Variants in NIM1K observed in about 807,000 individuals in gnomAD.
NIM1K encodes the protein serine/threonine-protein kinase NIM1.
In NIM1K, 35 loss-of-function variants were observed where a neutral mutation model predicts 37.1. That is an observed-to-expected ratio of 0.94 (90% CI 0.72 to 1.25). The LOEUF (loss-of-function observed/expected upper bound fraction) is 1.25, where lower values mean the gene tolerates loss of function less well. Ranked by LOEUF, NIM1K falls within the 50% of genes most tolerant of loss-of-function variation. NIM1K has a pLI of 0.00. For missense variants in NIM1K, 564 were observed against 548.0 expected (o/e 1.03, Z -0.29); for synonymous variants, 234 against 206.6 (o/e 1.13, Z -1.14).
chr5:43,233,148 A>G lies in NIM1K; in HGVS notation c.-694-11934A>G, dbSNP rs909802031. The G allele has an allele frequency of 6.9e-5, 91 of 1,317,494 alleles. No homozygotes were observed. The African/African-American group carries it at 1.2e-3, about 18-fold the overall frequency. 81.6% of individuals were successfully genotyped at this position (1,317,494 alleles called of 1,614,324 possible). A position where few individuals can be genotyped will look rare whatever the true frequency, so the allele number is the denominator to read the frequency against. On this transcript the variant is annotated intron_variant, in intron 1 of 3. Coordinates refer to ENST00000326035, the MANE Select transcript of NIM1K (RefSeq NM_153361.4). Reference sequence around the variant, plus strand: ...TGCCAACCTGGACACCAGCCTGGCCAATGAGATGGAGATGCGGTCACGCAT... The same window carrying G: ...TGCCAACCTGGACACCAGCCTGGCCGATGAGATGGAGATGCGGTCACGCAT...
intron 3 of NIM1K, 114 bp from the exon 4 acceptor site, chr5:43,279,866 C>G: frequency 1.2e-6 from 1 of 859,864 alleles, no homozygotes; most frequent in Non-Finnish European, 1.8e-6. Flanking sequence ...TAAGGTGATC[C>G]TCACTGAATT....
At chr5:43,239,788 T>C (rs528725142) in intron 1 of NIM1K, among the ~76,000 whole-genome samples, 42 of 152,082 alleles carry the variant, frequency 2.8e-4, no homozygotes, top group Admixed American at 5.9e-4. Context: ...TGGCCTCCAC[T>C]CTTATTCTTT....
intron 1 of NIM1K, among the ~76,000 whole-genome samples, chr5:43,240,034 C>T (rs1022243224): frequency 1.3e-5 from 2 of 151,986 alleles, no homozygotes; most frequent in African/African-American, 4.8e-5. Context: ...TGTAAGGTGG[C>T]AACACATTAA....
chr5:43,265,058 C>A (rs540918682), intron 2 of NIM1K, among the ~76,000 whole-genome samples: 12 of 152,176 alleles, frequency 7.9e-5, no homozygotes, highest in African/African-American at 1.2e-4. Flanking sequence ...AACATTTTTG[C>A]CTTCATTTCA....
intron 1 of NIM1K, among the ~76,000 whole-genome samples, chr5:43,220,293 CT>C (rs70994613): frequency 5.1e-4 from 66 of 130,414 alleles, no homozygotes; most frequent in East Asian, 1.3e-3. Context: ...GTGGGTATCT[CT>C]TTTTTTTTTT....
chr5:43,210,607 G>A (rs536248859), intron 1 of NIM1K, among the ~76,000 whole-genome samples: 3 of 152,200 alleles, frequency 2.0e-5, no homozygotes, highest in Admixed American at 1.3e-4. Context: ...ATGGGTTGAG[G>A]AAAACATTAT....
intron 2 of NIM1K, among the ~76,000 whole-genome samples, chr5:43,262,283 A>G (rs1753043513): frequency 1.3e-5 from 2 of 152,160 alleles, no homozygotes; most frequent in African/African-American, 2.4e-5. Flanking sequence ...CTTTTATTTC[A>G]TTGAGCAGTG....
chr5:43,277,309 C>T lies in NIM1K; in HGVS notation c.545C>T (p.Ser182Phe). ...ESKLIFSQIV[S>F]AVKHMHENQI... ...AAGCTCATCTTCTCCCAGATTGTGT[C>T]TGCCGTGAAGCACATGGTGAGCAGG... is the stretch of plus-strand genomic sequence containing the variant. The change falls in exon 3 of 4, where the codon TCT becomes TTT. Residue 182 changes from serine (S) to phenylalanine (F), a missense_variant. Coordinates refer to ENST00000326035, the MANE Select transcript of NIM1K (RefSeq NM_153361.4). 1.9e-6 allele frequency: 3 copies of T among 1,613,954 alleles called. No homozygotes were observed. Among genetic ancestry groups the T allele is most frequent in the Non-Finnish European group, 2.5e-6 (3 of 1,179,924 alleles).
At chr5:43,217,355 A>T (rs1222595130) in intron 1 of NIM1K, among the ~76,000 whole-genome samples, 1 of 149,770 alleles carries the variant, frequency 6.7e-6, no homozygotes, top group Admixed American at 6.8e-5. Context: ...TACTACATGT[A>T]TTTATCCATT....
chr5:43,198,215 TTCTTTCTTTC>T (rs1561070045), intron 1 of NIM1K, among the ~76,000 whole-genome samples: 2 of 93,436 alleles, frequency 2.1e-5, no homozygotes, highest in South Asian at 7.7e-4. Flanking sequence ...TTCTCTTTCT[TTCTTTCTTTC>T]TTTCTTTCTT....
chr5:43,276,972 A>G, intron 2 of NIM1K, 85 bp from the exon 3 acceptor site: 1 of 1,364,436 alleles, frequency 7.3e-7, no homozygotes, highest in South Asian at 1.3e-5. Context: ...CTGTCTAGTA[A>G]AGGAAAGGAG....
chr5:43,246,396 G>C (rs1013733434), intron 2 of NIM1K, among the ~76,000 whole-genome samples: 2 of 151,608 alleles, frequency 1.3e-5, no homozygotes, highest in African/African-American at 4.8e-5. Flanking sequence ...AGAAGAATCT[G>C]TCCTCTCCGG....
At chr5:43,196,777 TTTC>T (rs1326511692) in intron 1 of NIM1K, among the ~76,000 whole-genome samples, 1 of 152,080 alleles carries the variant, frequency 6.6e-6, no homozygotes, top group East Asian at 1.9e-4. Flanking sequence ...GTTGCTGTTT[TTTC>T]TTTTTTTCTT....
intron 1 of NIM1K, among the ~76,000 whole-genome samples, chr5:43,223,280 A>G (rs1420583574): frequency 1.3e-5 from 2 of 152,162 alleles, no homozygotes. Flanking sequence ...GTCACCTGAT[A>G]GCATCTCCTT....
At chr5:43,237,655 C>A (rs1752641081) in intron 1 of NIM1K, among the ~76,000 whole-genome samples, 1 of 152,140 alleles carries the variant, frequency 6.6e-6, no homozygotes, top group South Asian at 2.1e-4. Flanking sequence ...ACAACCTGTG[C>A]TTCAGAACTC....
At chr5:43,232,170 T>C in intron 1 of NIM1K, 1 of 982,760 alleles carries the variant, frequency 1.0e-6, no homozygotes, top group East Asian at 3.2e-5. Context: ...TCTTGATTGA[T>C]GGTGGCAATG....
chr5:43,235,604 C>A (rs1752608980), intron 1 of NIM1K, among the ~76,000 whole-genome samples: 1 of 152,310 alleles, frequency 6.6e-6, no homozygotes, highest in South Asian at 2.1e-4. Flanking sequence ...TATTTGACAG[C>A]TTTGTCCACC....
At chr5:43,231,753 C>T in intron 1 of NIM1K, 1 of 1,063,774 alleles carries the variant, frequency 9.4e-7, no homozygotes, top group Non-Finnish European at 1.4e-6. Flanking sequence ...CACAACTTTT[C>T]AATGTTTAAA....
Position 43,280,436 on chromosome 5 carries a change from G to T in NIM1K, c.1018G>T (p.Asp340Tyr). Residue 340 changes from aspartate (D) to tyrosine (Y), a missense_variant, in exon 4 of 4, where the codon GAT becomes TAT. Asp to Tyr is a radical substitution (Grantham distance 160, BLOSUM62 -3). Transcript: ENST00000326035. Reference protein sequence around the residue: ...YPTPLEPFQLDPKHLSETSTL... With the variant: ...YPTPLEPFQLYPKHLSETSTL... ...TACACCTTTGGAACCTTTCCAACTG[G>T]ATCCCAAACATTTGTCGGAAACCAG... 6.2e-7 allele frequency: 1 copy of T among 1,614,170 alleles called. No individual in the cohort carries two copies. The highest frequency in any genetic ancestry group is 1.1e-5 in the South Asian group (1 of 91,078).
Sources: gnomAD v4.1 joint callset for allele counts (sites outside exome capture counted in the v4.1 genomes callset) on GRCh38, gnomAD v4.1.1 for gene constraint, MANE v1.5 for transcripts, NCBI Gene and HGNC (gene_info 2026-07-23, HGNC 2026-07-21) for gene names.